Variants in TRIM71 observed in about 807,000 individuals in gnomAD.
The protein encoded by TRIM71 is tripartite motif containing 71.
In TRIM71, 9 loss-of-function variants were observed where a neutral mutation model predicts 61.2. That is an observed-to-expected ratio of 0.15 (90% CI 0.09 to 0.26). TRIM71 has a LOEUF of 0.26. Among genes scored for constraint, TRIM71 ranks in the 10% least tolerant of loss-of-function variants. The pLI is 1.00. For synonymous variants in TRIM71, 645 were observed against 553.2 expected, an observed-to-expected ratio of 1.17 and a Z score of -2.33; for missense variants, 998 against 1,238.7, an observed-to-expected ratio of 0.81 and a Z score of 2.92.
chr3:32,840,150 C>CCACT (rs1696387359), intron 1 of TRIM71, among the ~76,000 whole-genome samples: 1 of 152,112 alleles, frequency 6.6e-6, no homozygotes, highest in Non-Finnish European at 1.5e-5. Flanking sequence ...GAAGATGTAC[C>CCACT]CACTGTATTG....
intron 1 of TRIM71, among the ~76,000 whole-genome samples, chr3:32,820,183 G>A (rs1256037181): frequency 6.6e-6 from 1 of 152,216 alleles, no homozygotes; most frequent in African/African-American, 2.4e-5. Context: ...AGTGGGGGTC[G>A]TGGCCTGTGT....
rs1308085075 is a variant in TRIM71, at chr3:32,890,805, A to C, written c.1601A>C (p.Asn534Thr). 6.2e-7 allele frequency: 1 copy of C among 1,614,122 alleles called. No individual in the cohort carries two copies. The highest frequency in any genetic ancestry group is 1.3e-5 in the African/African-American group (1 of 75,024). ...MSAVVLGPDG[N>T]LFGAEVSDQQ... ...GCTGTGGTCCTGGGCCCTGATGGCAACCTGTTTGGTGCAGAGGTGAGTGAT... is the reference window on the plus strand; with the variant it reads ...GCTGTGGTCCTGGGCCCTGATGGCACCCTGTTTGGTGCAGAGGTGAGTGAT... The change falls in exon 4 of 4, where the codon AAC (asparagine) becomes ACC (threonine). Residue 534 changes from asparagine (N) to threonine (T), a missense_variant. Physicochemically the swap from Asn to Thr is moderately conservative, Grantham distance 65. Around this residue, in one of 5 missense-constraint regions of TRIM71, gnomAD observed 291 missense variants for 431.2 expected, o/e 0.67. Transcript: ENST00000383763. This position sits in a 1 kb window ranked among gnomAD's most constrained non-coding sequence, Gnocchi z 6.2.
intron 1 of TRIM71, among the ~76,000 whole-genome samples, chr3:32,839,893 C>CT (rs1696384958): frequency 2.0e-5 from 3 of 152,086 alleles, no homozygotes; most frequent in Non-Finnish European, 4.4e-5. Flanking sequence ...TTTTGAGGAG[C>CT]TGGGTGTTTG....
intron 1 of TRIM71, among the ~76,000 whole-genome samples, chr3:32,830,375 CA>C (rs1355323117): frequency 6.6e-6 from 1 of 152,134 alleles, no homozygotes; most frequent in Non-Finnish European, 1.5e-5. Flanking sequence ...TTCCAAAATT[CA>C]TTTAATAGTA....
intron 1 of TRIM71, among the ~76,000 whole-genome samples, chr3:32,859,293 C>T (rs1374949255): frequency 6.6e-6 from 1 of 152,106 alleles, no homozygotes; most frequent in Non-Finnish European, 1.5e-5. Context: ...CAGTGTCTCG[C>T]TTTATTGCCT....
At chr3:32,854,819 G>A (rs1696577941) in intron 1 of TRIM71, among the ~76,000 whole-genome samples, 1 of 152,188 alleles carries the variant, frequency 6.6e-6, no homozygotes, top group Non-Finnish European at 1.5e-5. Flanking sequence ...TGGGTATTGA[G>A]CATCCATGTG....
chr3:32,853,671 G>T (rs941710591), intron 1 of TRIM71, among the ~76,000 whole-genome samples: 3 of 152,190 alleles, frequency 2.0e-5, no homozygotes, highest in African/African-American at 7.2e-5. Flanking sequence ...TGCTGAGATA[G>T]CCCGTGGTAA....
At chr3:32,830,913 C>T (rs1043147125) in intron 1 of TRIM71, among the ~76,000 whole-genome samples, 4 of 152,216 alleles carry the variant, frequency 2.6e-5, no homozygotes, top group East Asian at 1.9e-4. Context: ...TGGGTTCAAG[C>T]GATTCTCGTG....
chr3:32,841,024 A>G (rs1696398036), intron 1 of TRIM71, among the ~76,000 whole-genome samples: 1 of 152,064 alleles, frequency 6.6e-6, no homozygotes, highest in Non-Finnish European at 1.5e-5. Flanking sequence ...AGGTGGGTGG[A>G]CCATGAGGTC....
At chr3:32,819,401 G>T (rs1171199093) in intron 1 of TRIM71, among the ~76,000 whole-genome samples, 1 of 152,224 alleles carries the variant, frequency 6.6e-6, no homozygotes, top group African/African-American at 2.4e-5. Flanking sequence ...GGAAGAGATG[G>T]TTGTGTGGGT....
At position 32,886,019 on chromosome 3, in the gene TRIM71, C is replaced by A; in HGVS notation, c.1106C>A (p.Ala369Glu). The A allele has an allele frequency of 1.2e-6, 2 of 1,614,088 alleles. No homozygotes were observed. Among genetic ancestry groups the A allele is most frequent in the Non-Finnish European group, 1.7e-6 (2 of 1,180,000 alleles). ...VVQSEVKAVTARHKKALEERE... is the reference protein window; with the variant it reads ...VVQSEVKAVTERHKKALEERE... The stretch of plus-strand genomic sequence containing the variant: ...CAGTCGGAGGTCAAAGCCGTGACGG[C>A]GAGGCATAAGAAAGCCCTGGAGGAA... Residue 369 changes from alanine to glutamate, a missense_variant, in exon 3 of 4, where the codon GCG (alanine) becomes GAG (glutamate). By Grantham distance (107) the Ala-to-Glu change is moderately radical. This residue lies in a region of TRIM71 where 291 missense variants were observed against 431.2 expected (regional missense o/e 0.67). Coordinates refer to ENST00000383763, the MANE Select transcript of TRIM71 (RefSeq NM_001039111.3).
chr3:32,892,112 CCTCAGT>C lies in TRIM71; in HGVS notation c.*302_*307del. On this transcript the variant is annotated 3_prime_UTR_variant, in exon 4 of 4. Transcript: ENST00000383763. Reference sequence around the variant, plus strand: ...CTTCTGCAACAGGCCCTCTTCCCCTCCTCAGTGGAGTTTGCATTTCCCTCTTCCCCT... The same window carrying C: ...CTTCTGCAACAGGCCCTCTTCCCCTCGGAGTTTGCATTTCCCTCTTCCCCT... 6.5e-6 allele frequency: 2 copies of C among 307,086 alleles called. No individual in the cohort carries two copies. Among genetic ancestry groups the C allele is most frequent in the Non-Finnish European group, 1.2e-5 (2 of 166,832 alleles). The allele number at this position is 307,086 out of a possible 1,614,324, so 19.0% of individuals were successfully genotyped here. A position where few individuals can be genotyped will look rare whatever the true frequency, so the allele number is the denominator to read the frequency against.
At position 32,890,602 on chromosome 3, in the gene TRIM71, G is replaced by C. The variant is rs761404366; in HGVS notation, c.1398G>C (p.Gln466His). ...GAGTCATGTTCACACCCCCCGATCAGGCACTGTACCTTGCCATCAAGTCTT... is the reference window on the plus strand; with the variant it reads ...GAGTCATGTTCACACCCCCCGATCACGCACTGTACCTTGCCATCAAGTCTT... ...DDRVMFTPPD[Q>H]ALYLAIKSFG... Residue 466 changes from glutamine to histidine, a missense_variant, in exon 4 of 4, where the codon CAG (glutamine) becomes CAC (histidine). This residue lies in a region of TRIM71 where 291 missense variants were observed against 431.2 expected (regional missense o/e 0.67). Coordinates refer to ENST00000383763, the MANE Select transcript of TRIM71 (RefSeq NM_001039111.3). This position sits in a 1 kb window ranked among gnomAD's most constrained non-coding sequence, Gnocchi z 6.2. The C allele has an allele frequency of 6.2e-7, 1 of 1,613,936 alleles. No individual in the cohort carries two copies. The highest frequency in any genetic ancestry group is 8.5e-7 in the Non-Finnish European group (1 of 1,180,042).
At chr3:32,874,382 G>T (rs1696833021) in intron 2 of TRIM71, among the ~76,000 whole-genome samples, 1 of 151,494 alleles carries the variant, frequency 6.6e-6, no homozygotes. Flanking sequence ...CATATTTTTT[G>T]AGATGAGTCT....
chr3:32,878,476 A>G (rs141012733), intron 2 of TRIM71, among the ~76,000 whole-genome samples: 1 of 152,272 alleles, frequency 6.6e-6, no homozygotes, highest in African/African-American at 2.4e-5. Flanking sequence ...TTAGCCGGTC[A>G]TGGTGGCACA....
chr3:32,875,647 C>T (rs1696845675), intron 2 of TRIM71, among the ~76,000 whole-genome samples: 4 of 152,118 alleles, frequency 2.6e-5, no homozygotes, highest in Admixed American at 2.0e-4. Context: ...TGAGACCAGC[C>T]TGGGCAACAT....
chr3:32,871,563 T>G (rs573682099), intron 1 of TRIM71, among the ~76,000 whole-genome samples: 1 of 152,332 alleles, frequency 6.6e-6, no homozygotes, highest in African/African-American at 2.4e-5. Context: ...TCGTTCAAAC[T>G]GGTAGAATTG....
chr3:32,838,921 C>T (rs1437796648), intron 1 of TRIM71, among the ~76,000 whole-genome samples: 1 of 152,054 alleles, frequency 6.6e-6, no homozygotes, highest in East Asian at 1.9e-4. Flanking sequence ...CTGCGTCAGC[C>T]TCCTGAGTAG....
chr3:32,890,578 A>C lies in TRIM71; in HGVS notation c.1374A>C (p.Arg458=). Residue 458 remains arginine, a synonymous_variant, in exon 4 of 4, where the codon CGA becomes CGC. Transcript: ENST00000383763. The surrounding 1 kb of genome is among the most constrained non-coding windows in gnomAD (Gnocchi z 6.2). ...TCCTGCAGCCCCAGGAAGACGACCG[A>C]GTCATGTTCACACCCCCCGATCAGG... ...RSLLQPQEDD[R]VMFTPPDQAL... The C allele has an allele frequency of 6.2e-7, 1 of 1,613,974 alleles. No individual in the cohort carries two copies. The highest frequency in any genetic ancestry group is 8.5e-7 in the Non-Finnish European group (1 of 1,180,012).
Sources: gnomAD v4.1 joint callset for allele counts (sites outside exome capture counted in the v4.1 genomes callset) on GRCh38, gnomAD v4.1.1 for gene constraint, gnomAD v4.1.1 regional missense constraint, Gnocchi (gnomAD v3.1) non-coding constraint, MANE v1.5 for transcripts, NCBI Gene and HGNC (gene_info 2026-07-23, HGNC 2026-07-21) for gene names.